Variants in CDH2 observed in about 807,000 individuals in gnomAD.
The protein encoded by CDH2 is cadherin-2.
Under a neutral mutation model 92.0 loss-of-function variants are expected in CDH2, and 17 were observed. That is an observed-to-expected ratio of 0.18 (90% CI 0.13 to 0.28). CDH2 has a LOEUF of 0.28. Among genes scored for constraint, CDH2 ranks in the 10% least tolerant of loss-of-function variants. The pLI, the probability that CDH2 is intolerant of heterozygous loss-of-function variation, is 1.00. For synonymous variants in CDH2, 419 were observed against 415.9 expected (o/e 1.01, Z -0.09); for missense variants, 862 against 1,133.1 (o/e 0.76, Z 3.44).
At chr18:28,102,762 G>A (rs1390188707) in intron 2 of CDH2, among the ~76,000 whole-genome samples, 1 of 151,974 alleles carries the variant, frequency 6.6e-6, no homozygotes, top group Non-Finnish European at 1.5e-5. Flanking sequence ...AGGTGGCAAG[G>A]GGTGGGCAGT....
At chr18:28,109,295 C>G (rs537855792) in intron 2 of CDH2, among the ~76,000 whole-genome samples, 23 of 152,312 alleles carry the variant, frequency 1.5e-4, no homozygotes, top group Non-Finnish European at 2.5e-4. Flanking sequence ...ATGTTTAACA[C>G]TGTTATGTCA....
chr18:28,007,466 T>A (rs2012972024), intron 5 of CDH2, among the ~76,000 whole-genome samples: 1 of 151,774 alleles, frequency 6.6e-6, no homozygotes, highest in Non-Finnish European at 1.5e-5. Context: ...ATACACTCTA[T>A]CAAATTAAAA....
chr18:27,996,130 C>G (rs28365282), intron 7 of CDH2, among the ~76,000 whole-genome samples: 6,540 of 152,070 alleles, frequency 0.043, 168 homozygotes, highest in South Asian at 0.069. Context: ...CTTCCCTCTC[C>G]GAAACTCGCC....
intron 14 of CDH2, among the ~76,000 whole-genome samples, chr18:27,974,206 A>G (rs1443427602): frequency 6.6e-6 from 1 of 152,100 alleles, no homozygotes; most frequent in Non-Finnish European, 1.5e-5. Context: ...AGACTTACTT[A>G]TTACTGTATA....
intron 2 of CDH2, among the ~76,000 whole-genome samples, chr18:28,024,507 A>G (rs2013497924): frequency 6.6e-6 from 1 of 150,606 alleles, no homozygotes; most frequent in African/African-American, 2.4e-5. Context: ...TGCATTTTAA[A>G]TGCTTTAAAA....
intron 2 of CDH2, among the ~76,000 whole-genome samples, chr18:28,091,909 A>G (rs1039742054): frequency 2.6e-5 from 4 of 151,928 alleles, no homozygotes; most frequent in Non-Finnish European, 5.9e-5. Context: ...TCTAGAAACT[A>G]CAAGTCTGAG....
At chr18:28,110,122 T>C (rs537122817) in intron 2 of CDH2, among the ~76,000 whole-genome samples, 4 of 152,314 alleles carry the variant, frequency 2.6e-5, no homozygotes, top group African/African-American at 9.6e-5. Context: ...GTGTTGCCCA[T>C]GTAAACACAT....
At chr18:28,033,711 G>C (rs1002609797) in intron 2 of CDH2, among the ~76,000 whole-genome samples, 1 of 152,034 alleles carries the variant, frequency 6.6e-6, no homozygotes, top group African/African-American at 2.4e-5. Context: ...TGATTATAAA[G>C]AAATAGGATT....
intron 2 of CDH2, among the ~76,000 whole-genome samples, chr18:28,107,470 A>G (rs1049061129): frequency 6.6e-6 from 1 of 152,162 alleles, no homozygotes; most frequent in Non-Finnish European, 1.5e-5. Context: ...AAATGATGCA[A>G]AACTAAATAA....
chr18:28,124,688 C>T (rs913620527), intron 2 of CDH2, among the ~76,000 whole-genome samples: 2 of 152,118 alleles, frequency 1.3e-5, no homozygotes, highest in African/African-American at 2.4e-5. Context: ...TTTTCTATTT[C>T]TTAACTCTTT....
At chr18:28,041,651 A>G (rs1016229349) in intron 2 of CDH2, among the ~76,000 whole-genome samples, 1 of 152,190 alleles carries the variant, frequency 6.6e-6, no homozygotes, top group Non-Finnish European at 1.5e-5. Flanking sequence ...CTTTCAGACG[A>G]ATCATTCTTA....
chr18:28,130,378 A>AGG (rs2015746856), intron 2 of CDH2, among the ~76,000 whole-genome samples: 1 of 152,248 alleles, frequency 6.6e-6, no homozygotes, highest in African/African-American at 2.4e-5. Context: ...TAATTTAGAA[A>AGG]GGAATGGAAT....
chr18:28,135,285 T>C (rs192916009), intron 2 of CDH2, among the ~76,000 whole-genome samples: 34 of 152,328 alleles, frequency 2.2e-4, no homozygotes, highest in Admixed American at 1.2e-3. Flanking sequence ...TGCTGAAATG[T>C]CCACATGTGA....
chr18:28,082,942 TCA>T (rs1395765539), intron 2 of CDH2, among the ~76,000 whole-genome samples: 2 of 152,214 alleles, frequency 1.3e-5, no homozygotes, highest in East Asian at 3.8e-4. Flanking sequence ...TTGCTGTTCT[TCA>T]CAGTCAACGA....
intron 2 of CDH2, among the ~76,000 whole-genome samples, chr18:28,062,159 G>T (rs1030151772): frequency 6.6e-6 from 1 of 152,032 alleles, no homozygotes; most frequent in African/African-American, 2.4e-5. Context: ...CAGATACAAT[G>T]AACAGCCTTA....
At chr18:28,075,833 G>T (rs2014708046) in intron 2 of CDH2, among the ~76,000 whole-genome samples, 1 of 152,132 alleles carries the variant, frequency 6.6e-6, no homozygotes, top group Admixed American at 6.6e-5. Context: ...GAACAACAAA[G>T]AATTTCTCAT....
At chr18:28,013,301 T>C (rs956784881) in intron 3 of CDH2, among the ~76,000 whole-genome samples, 7 of 152,178 alleles carry the variant, frequency 4.6e-5, no homozygotes, top group African/African-American at 1.7e-4. Context: ...CCAGAAATGT[T>C]TTCCTGTTAC....
rs185158225 is a variant in CDH2, at chr18:28,071,157, A to G, written c.173-57248T>C. On this transcript the variant is annotated intron_variant, in intron 2 of 15. Transcript: ENST00000269141. ...TCTGACAGATTTAGGAAACAGGAAG[A>G]CAGACATCCAGAACTGAAAAATCTG... is the stretch of plus-strand genomic sequence containing the variant. Among the ~76,000 whole-genome samples, 120 of 152,168 alleles carry G rather than the reference A, an allele frequency of 7.9e-4. 1 individual carries two copies. The highest frequency in any genetic ancestry group is 2.7e-3 in the African/African-American group (113 of 41,522).
chr18:27,935,578 A>G (rs931535632), intron 6 of CDH2, among the ~76,000 whole-genome samples: 1 of 152,214 alleles, frequency 6.6e-6, no homozygotes, highest in Admixed American at 6.5e-5. Flanking sequence ...AGATGAAGTC[A>G]GATATTCATT....
Sources: allele counts gnomAD v4.1 joint callset (sites outside exome capture counted in the v4.1 genomes callset), GRCh38; gene constraint gnomAD v4.1.1; transcripts MANE v1.5; gene names NCBI Gene and HGNC (gene_info 2026-07-23, HGNC 2026-07-21).